Variants in DNAAF9 observed in about 807,000 individuals in gnomAD.
The protein encoded by DNAAF9 is shulin.
Under a neutral mutation model 167.0 loss-of-function variants are expected in DNAAF9, and 90 were observed. That is an observed-to-expected ratio of 0.54 (90% confidence interval 0.45 to 0.64). The LOEUF (loss-of-function observed/expected upper bound fraction) is 0.64, where lower values mean the gene tolerates loss of function less well. Among genes scored for constraint, DNAAF9 ranks in the 30% least tolerant of loss-of-function variants. The pLI is 0.00. For synonymous variants in DNAAF9, 491 were observed against 508.8 expected (o/e 0.96, Z 0.47); for missense variants, 1,315 against 1,442.2 (o/e 0.91, Z 1.43).
chr20:3,259,278 A>G (rs149731405), intron 33 of DNAAF9, among the ~76,000 whole-genome samples: 348 of 152,336 alleles, frequency 2.3e-3, no homozygotes, highest in Non-Finnish European at 3.9e-3. Flanking sequence ...CTGCCATGGA[A>G]CAGGAGGACC....
At chr20:3,341,807 T>G (rs1329146541) in intron 9 of DNAAF9, among the ~76,000 whole-genome samples, 1 of 152,144 alleles carries the variant, frequency 6.6e-6, no homozygotes, top group Non-Finnish European at 1.5e-5. Flanking sequence ...AGACGGAGTC[T>G]TGCTCTGTCG....
intron 27 of DNAAF9, among the ~76,000 whole-genome samples, chr20:3,285,632 T>C (rs1449963227): frequency 6.7e-6 from 1 of 148,640 alleles, no homozygotes; most frequent in Non-Finnish European, 1.5e-5. Flanking sequence ...TGAGCCGAGA[T>C]TGCACCATTG....
At chr20:3,296,295 G>A (rs980222343) in intron 23 of DNAAF9, 18 of 383,654 alleles carry the variant, frequency 4.7e-5, no homozygotes, top group African/African-American at 1.7e-4. Flanking sequence ...AGACGGGCCC[G>A]GCGCCCAACA....
chr20:3,338,361 G>A (rs969000639), intron 10 of DNAAF9, among the ~76,000 whole-genome samples: 1 of 151,996 alleles, frequency 6.6e-6, no homozygotes, highest in Non-Finnish European at 1.5e-5. Context: ...TTCCTCTATA[G>A]GTAAGGTGTT....
At chr20:3,336,956 T>C (rs2123100236) in intron 10 of DNAAF9, among the ~76,000 whole-genome samples, 1 of 149,182 alleles carries the variant, frequency 6.7e-6, no homozygotes, top group South Asian at 2.2e-4. Context: ...CTCGGCTCAC[T>C]GCAAGCTCCG....
intron 3 of DNAAF9, 82 bp downstream of exon 3, chr20:3,381,297 C>T (rs2083649122): frequency 5.2e-6 from 6 of 1,162,506 alleles, no homozygotes; most frequent in Non-Finnish European, 7.1e-6. Context: ...AATTTTATTC[C>T]ATAAGAAGAC....
At chr20:3,372,181 G>A (rs74371846) in intron 6 of DNAAF9, among the ~76,000 whole-genome samples, 6 of 152,336 alleles carry the variant, frequency 3.9e-5, no homozygotes, top group African/African-American at 4.8e-5. Flanking sequence ...CTGCAAAGGA[G>A]GCAAGAGCCT....
At position 3,322,707 on chromosome 20, in the gene DNAAF9, GAAACA is replaced by G; in HGVS notation, c.1266-16_1266-12del. 5 of 1,609,108 alleles carry G rather than the reference GAAACA, an allele frequency of 3.1e-6. No individual in the cohort carries two copies. The highest frequency in any genetic ancestry group is 4.3e-6 in the Non-Finnish European group (5 of 1,175,508). On this transcript the variant is annotated splice_polypyrimidine_tract_variant and intron_variant, in intron 14 of 36. Transcript: ENST00000252032. ...AAAGTCATCTTGGAGCTGTAGACCA[GAAACA>G]AAACAAAAGAAAAATCAGTCTGCTC...
chr20:3,327,267 C>A (rs1027712353), intron 12 of DNAAF9, among the ~76,000 whole-genome samples: 209 of 152,130 alleles, frequency 1.4e-3, no homozygotes, highest in Non-Finnish European at 1.7e-3. Flanking sequence ...TTCGGCAGCA[C>A]CCCTGGCTGC....
intron 27 of DNAAF9, among the ~76,000 whole-genome samples, chr20:3,282,348 A>AT: frequency 6.6e-6 from 1 of 151,896 alleles, no homozygotes; most frequent in Middle Eastern, 3.4e-3. Flanking sequence ...CTTTGACTCC[A>AT]TTTTTTTCTG....
At chr20:3,337,345 C>A (rs1266669642) in intron 10 of DNAAF9, among the ~76,000 whole-genome samples, 1 of 150,190 alleles carries the variant, frequency 6.7e-6, no homozygotes, top group Non-Finnish European at 1.5e-5. Context: ...CTCACTGCAA[C>A]CTCCGCCTTC....
rs2069482905 is a variant in DNAAF9 at position 3,315,267 on chromosome 20, T to C, written c.1591-147A>G. 1 of 625,482 alleles carries C rather than the reference T, an allele frequency of 1.6e-6. No individual in the cohort carries two copies. The highest frequency in any genetic ancestry group is 2.9e-6 in the Non-Finnish European group (1 of 350,726). 38.7% of individuals were successfully genotyped at this position (625,482 alleles called of 1,614,324 possible). On this transcript the variant is annotated intron_variant, in intron 19 of 36. Coordinates refer to ENST00000252032, the MANE Select transcript of DNAAF9 (RefSeq NM_001009984.3). The surrounding 1 kb of genome is among the most constrained non-coding windows in gnomAD (Gnocchi z 4.1). Reference sequence around the variant, plus strand: ...ATATGCCCAATGTATTCCATGGCCTTTGGCATTGTCTGGCTCTTTGGCAGT... The same window carrying C: ...ATATGCCCAATGTATTCCATGGCCTCTGGCATTGTCTGGCTCTTTGGCAGT...
At chr20:3,279,005 G>T in intron 28 of DNAAF9, 56 bp from the exon 29 acceptor site, 3 of 1,273,446 alleles carry the variant, frequency 2.4e-6, no homozygotes, top group South Asian at 1.2e-5. Flanking sequence ...AGTTGTCACT[G>T]ATTATTTCCC....
At chr20:3,381,197 T>C (rs2083646774) in intron 3 of DNAAF9, among the ~76,000 whole-genome samples, 182 bp downstream of exon 3, 1 of 152,236 alleles carries the variant, frequency 6.6e-6, no homozygotes, top group African/African-American at 2.4e-5. Context: ...TGAAAACTAC[T>C]TGTTGCTACT....
At chr20:3,369,796 A>G (rs1452850715) in intron 6 of DNAAF9, among the ~76,000 whole-genome samples, 1 of 151,840 alleles carries the variant, frequency 6.6e-6, no homozygotes, top group Non-Finnish European at 1.5e-5. Flanking sequence ...CCCTCTATTG[A>G]TTTTATCAAT....
intron 1 of DNAAF9, among the ~76,000 whole-genome samples, chr20:3,402,360 T>TCA (rs1334342085): frequency 6.9e-6 from 1 of 145,498 alleles, no homozygotes; most frequent in African/African-American, 2.6e-5. Context: ...AACAAATGCA[T>TCA]CACCTCACAT....
chr20:3,375,053 A>C lies in DNAAF9; in HGVS notation c.482T>G (p.Ile161Ser). 6.2e-7 allele frequency: 1 copy of C among 1,607,936 alleles called. No individual in the cohort carries two copies. Among genetic ancestry groups the C allele is most frequent in the Non-Finnish European group, 8.5e-7 (1 of 1,174,470 alleles). Reference protein sequence around the residue: ...FVDMVRDCSRIGIPYSSQGHL... With the variant: ...FVDMVRDCSRSGIPYSSQGHL... ...ACCTTGGGAGCTGTAAGGAATGCCA[A>C]TTCTACTACAGTCTCGAACCATGTC... Residue 161 changes from isoleucine (I) to serine (S), a missense_variant, in exon 5 of 37, where the codon ATT becomes AGT. By Grantham distance (142) the Ile-to-Ser change is moderately radical. Transcript: ENST00000252032.
At chr20:3,357,395 T>C (rs1334641261) in intron 7 of DNAAF9, among the ~76,000 whole-genome samples, 1 of 151,964 alleles carries the variant, frequency 6.6e-6, no homozygotes. Context: ...CACTTGAACC[T>C]GTGGGGGTGG....
rs1348492151 is a variant in DNAAF9 at position 3,251,928 on chromosome 20, T to G, written c.*644A>C. On this transcript the variant is annotated 3_prime_UTR_variant, in exon 37 of 37. Coordinates refer to ENST00000252032, the MANE Select transcript of DNAAF9 (RefSeq NM_001009984.3). The stretch of plus-strand genomic sequence containing the variant: ...ACACACCTCTGGAAAGCAACAAGCC[T>G]CTCCTTCAGTTTAGTCCAGAAGGGA... 2 of 152,440 alleles carry G rather than the reference T, an allele frequency of 1.3e-5. No individual in the cohort carries two copies. Among genetic ancestry groups the G allele is most frequent in the African/African-American group, 4.8e-5 (2 of 41,484 alleles). 9.4% of individuals were successfully genotyped at this position (152,440 alleles called of 1,614,324 possible).
Sources: gnomAD v4.1 joint callset for allele counts (sites outside exome capture counted in the v4.1 genomes callset) on GRCh38, gnomAD v4.1.1 for gene constraint, Gnocchi (gnomAD v3.1) non-coding constraint, MANE v1.5 for transcripts, NCBI Gene and HGNC (gene_info 2026-07-23, HGNC 2026-07-21) for gene names.